Variants in SPMIP7 observed in about 807,000 individuals in gnomAD.
SPMIP7 encodes the protein sperm microtubule inner protein 7.
chr7:50,103,647 C>T, the SPMIP7 span, among the ~76,000 whole-genome samples: 1 of 152,112 alleles, frequency 6.6e-6, no homozygotes, highest in African/African-American at 2.4e-5. Context: ...TCTCCTTTTT[C>T]ATCCAAGTTC....
the SPMIP7 span, among the ~76,000 whole-genome samples, chr7:50,121,483 A>G: frequency 6.6e-6 from 1 of 152,282 alleles, no homozygotes; most frequent in South Asian, 2.1e-4. Flanking sequence ...CAGAACTGTA[A>G]CCATGTAGAC....
At chr7:50,100,771 C>T in the SPMIP7 span, among the ~76,000 whole-genome samples, 1 of 149,322 alleles carries the variant, frequency 6.7e-6, no homozygotes, top group African/African-American at 2.5e-5. Flanking sequence ...GAGATCGTGC[C>T]ACTGCACTCC....
At chr7:50,155,875 C>CCTCACTATACACACA in the SPMIP7 span, among the ~76,000 whole-genome samples, 15 of 152,010 alleles carry the variant, frequency 9.9e-5, no homozygotes, top group Non-Finnish European at 1.3e-4. Flanking sequence ...CATCCATGGC[C>CCTCACTATACACACA]TGAGTGGGAC....
the SPMIP7 span, among the ~76,000 whole-genome samples, chr7:50,130,708 A>T: frequency 6.6e-6 from 1 of 151,982 alleles, no homozygotes; most frequent in African/African-American, 2.4e-5. Flanking sequence ...AATAAGTAGG[A>T]GGTGTGGGGA....
the SPMIP7 span, among the ~76,000 whole-genome samples, chr7:50,148,874 C>T: frequency 3.3e-5 from 5 of 152,220 alleles, no homozygotes; most frequent in East Asian, 5.8e-4. Flanking sequence ...GGGCCGGGCA[C>T]GGTGGCTCAC....
the SPMIP7 span, chr7:50,151,471 T>C: frequency 2.6e-6 from 4 of 1,551,446 alleles, no homozygotes; most frequent in Admixed American, 5.9e-5. Flanking sequence ...TTCCAGGATA[T>C]ACCGGCAAGG....
the SPMIP7 span, among the ~76,000 whole-genome samples, chr7:50,117,748 G>A: frequency 1.4e-3 from 210 of 152,288 alleles, 3 homozygotes; most frequent in African/African-American, 4.8e-3. Flanking sequence ...AGTTAATACA[G>A]AAGAGAACTC....
At chr7:50,129,924 T>A in the SPMIP7 span, 1 of 599,540 alleles carries the variant, frequency 1.7e-6, no homozygotes, top group Non-Finnish European at 2.9e-6. Flanking sequence ...AGACATTTAC[T>A]GATATTGATT....
the SPMIP7 span, among the ~76,000 whole-genome samples, chr7:50,133,240 T>A: frequency 1.3e-5 from 2 of 150,758 alleles, no homozygotes; most frequent in African/African-American, 2.5e-5. Flanking sequence ...TGTGTTTGTG[T>A]GTGTGTGTGT....
chr7:50,123,336 A>G, the SPMIP7 span, among the ~76,000 whole-genome samples: 6 of 138,584 alleles, frequency 4.3e-5, no homozygotes, highest in African/African-American at 1.4e-4. Context: ...CAAACACCGC[A>G]TATTCTCACT....
chr7:50,120,855 C>T, the SPMIP7 span, among the ~76,000 whole-genome samples: 1 of 152,302 alleles, frequency 6.6e-6, no homozygotes, highest in East Asian at 1.9e-4. Context: ...TGCCACTCCA[C>T]CCCAAACACA....
the SPMIP7 span, among the ~76,000 whole-genome samples, chr7:50,156,236 C>G: frequency 6.6e-6 from 1 of 152,184 alleles, no homozygotes; most frequent in Non-Finnish European, 1.5e-5. Flanking sequence ...CTGATTGTAT[C>G]TAGCACTATA....
At chr7:50,136,249 C>A in the SPMIP7 span, 2 of 1,020,842 alleles carry the variant, frequency 2.0e-6, no homozygotes, top group Non-Finnish European at 3.0e-6. Context: ...TAGCCCTTGG[C>A]TTAGAGGTGT....
the SPMIP7 span, among the ~76,000 whole-genome samples, chr7:50,154,910 A>G: frequency 1.3e-5 from 2 of 152,190 alleles, no homozygotes; most frequent in South Asian, 2.1e-4. Context: ...GTGAGGTGAT[A>G]TCTCACTGTG....
At chr7:50,142,916 C>T in the SPMIP7 span, 1 of 152,182 alleles carries the variant, frequency 6.6e-6, no homozygotes. Flanking sequence ...AAGCAAAGTA[C>T]AGGAGAATAT....
At chr7:50,122,670 G>T in the SPMIP7 span, among the ~76,000 whole-genome samples, 1 of 150,500 alleles carries the variant, frequency 6.6e-6, no homozygotes, top group South Asian at 2.1e-4. Context: ...CTACTCATCT[G>T]ACAAAGGGCT....
At chr7:50,116,735 A>G in the SPMIP7 span, among the ~76,000 whole-genome samples, 2 of 152,202 alleles carry the variant, frequency 1.3e-5, no homozygotes, top group African/African-American at 4.8e-5. Flanking sequence ...GGGATTTTGA[A>G]AAGTTCTTTA....
At chr7:50,156,972 G>GAACCTC in the SPMIP7 span, among the ~76,000 whole-genome samples, 1 of 152,142 alleles carries the variant, frequency 6.6e-6, no homozygotes, top group Non-Finnish European at 1.5e-5. Flanking sequence ...TCCTGAACCT[G>GAACCTC]AACCTCCTGG....
the SPMIP7 span, chr7:50,141,312 G>C: frequency 6.4e-7 from 1 of 1,552,036 alleles, no homozygotes. Context: ...TGCTGATGAT[G>C]TTGACAACCC....
Sources: gnomAD v4.1 joint callset for allele counts (sites outside exome capture counted in the v4.1 genomes callset) on GRCh38, gnomAD v4.1.1 for gene constraint, MANE v1.5 for transcripts, NCBI Gene and HGNC (gene_info 2026-07-23, HGNC 2026-07-21) for gene names.